TMEM114: variants seen among roughly 807,000 people sequenced by gnomAD.
TMEM114 encodes the protein claudin-26.
TMEM114 carries 6 observed loss-of-function variants against 6.2 expected under a neutral mutation model. That is an observed-to-expected ratio of 0.97 (90% confidence interval 0.53 to 1.91). TMEM114 has a LOEUF of 1.91. Ranked by LOEUF, TMEM114 falls within the 40% of genes most tolerant of loss-of-function variation. TMEM114 has a pLI of 0.01. For missense variants in TMEM114, 218 were observed against 158.3 expected (o/e 1.38, Z -2.02); for synonymous variants, 104 against 73.0 (o/e 1.42, Z -2.16).
downstream of TMEM114, among the ~76,000 whole-genome samples, chr16:8,534,530 C>G (rs1276645531): frequency 6.6e-6 from 1 of 152,122 alleles, no homozygotes; most frequent in Non-Finnish European, 1.5e-5. Context: ...ATCCCTCTCT[C>G]CTGTTCCCAT....
chr16:8,556,931 C>A (rs182770524), intron 2 of TMEM114, among the ~76,000 whole-genome samples: 3 of 152,150 alleles, frequency 2.0e-5, no homozygotes, highest in African/African-American at 7.2e-5. Flanking sequence ...CCCTGCTGAC[C>A]GCTCCAGCCT....
chr16:8,577,822 A>C (rs1223788010), intron 2 of TMEM114, among the ~76,000 whole-genome samples: 1 of 152,100 alleles, frequency 6.6e-6, no homozygotes, highest in East Asian at 1.9e-4. Context: ...CCTGACCTCA[A>C]GTGATCCACC....
At chr16:8,554,652 G>A (rs1900950694) in intron 2 of TMEM114, among the ~76,000 whole-genome samples, 1 of 150,596 alleles carries the variant, frequency 6.6e-6, no homozygotes. Flanking sequence ...AAGAATGATG[G>A]AGTTAATTAA....
intron 2 of TMEM114, among the ~76,000 whole-genome samples, chr16:8,542,038 A>C (rs1442357825): frequency 6.6e-6 from 1 of 152,148 alleles, no homozygotes; most frequent in East Asian, 1.9e-4. Flanking sequence ...ACCAAGAAAA[A>C]GCACGCCAAC....
chr16:8,555,548 A>C (rs921909593), intron 2 of TMEM114, among the ~76,000 whole-genome samples: 1 of 152,198 alleles, frequency 6.6e-6, no homozygotes, highest in Non-Finnish European at 1.5e-5. Flanking sequence ...GTAAACTGTC[A>C]TGGCGCTGGT....
chr16:8,528,384 G>C, the TMEM114 span, among the ~76,000 whole-genome samples: 2 of 152,298 alleles, frequency 1.3e-5, no homozygotes, highest in African/African-American at 2.4e-5. Context: ...GCACCATGCT[G>C]TTCTAGTTAA....
chr16:8,536,246 G>A (rs1035980105), downstream of TMEM114, among the ~76,000 whole-genome samples: 6 of 151,778 alleles, frequency 4.0e-5, no homozygotes, highest in Admixed American at 2.0e-4. Flanking sequence ...AAAAATGTAG[G>A]GGTTGAAACA....
downstream of TMEM114, among the ~76,000 whole-genome samples, chr16:8,569,125 G>A (rs561598630): frequency 6.6e-6 from 1 of 152,312 alleles, no homozygotes; most frequent in African/African-American, 2.4e-5. Flanking sequence ...CAGGGGACCC[G>A]GATGGGGAGC....
chr16:8,548,528 A>C (rs1900742891), intron 2 of TMEM114, among the ~76,000 whole-genome samples: 1 of 152,106 alleles, frequency 6.6e-6, no homozygotes, highest in Admixed American at 6.5e-5. Context: ...GAACAGGTGC[A>C]CTGTGTATCT....
chr16:8,567,521 G>T (rs569769990), downstream of TMEM114, among the ~76,000 whole-genome samples: 3 of 152,206 alleles, frequency 2.0e-5, no homozygotes, highest in Admixed American at 1.3e-4. Context: ...GTCTCAGCAT[G>T]TCCCAAGGTG....
chr16:8,549,252 C>T (rs1307981773), intron 2 of TMEM114, among the ~76,000 whole-genome samples: 2 of 146,574 alleles, frequency 1.4e-5, no homozygotes, highest in Non-Finnish European at 3.0e-5. Context: ...ATAATCCTAG[C>T]ACTTTGGGAG....
downstream of TMEM114, among the ~76,000 whole-genome samples, chr16:8,567,037 A>T (rs1200027917): frequency 6.7e-6 from 1 of 148,814 alleles, no homozygotes; most frequent in Non-Finnish European, 1.5e-5. Context: ...AGTAGCTGGG[A>T]TTACAGGCGC....
At chr16:8,528,430 T>C in the TMEM114 span, among the ~76,000 whole-genome samples, 1 of 152,036 alleles carries the variant, frequency 6.6e-6, no homozygotes, top group African/African-American at 2.4e-5. Flanking sequence ...TCTGACCTGC[T>C]CCCCCAAACA....
At chr16:8,580,762 G>A (rs1286612686) in intron 2 of TMEM114, among the ~76,000 whole-genome samples, 1 of 152,046 alleles carries the variant, frequency 6.6e-6, no homozygotes, top group African/African-American at 2.4e-5. Flanking sequence ...CCTTATCTCG[G>A]CTCACTGCAA....
downstream of TMEM114, among the ~76,000 whole-genome samples, chr16:8,535,762 G>A (rs1430968646): frequency 1.3e-5 from 2 of 152,322 alleles, no homozygotes; most frequent in African/African-American, 4.8e-5. Context: ...TGGTATGGGA[G>A]ACTCACTGCG....
Position 8,589,657 on chromosome 16 carries a change from G to T in TMEM114, c.182C>A (p.Pro61His). Residue 61 changes from proline to histidine, a missense_variant, in exon 1 of 4, where the codon CCT (proline) becomes CAT (histidine). Transcript: ENST00000620492. Reference sequence around the variant, plus strand: ...CCAGAGGCCGGAGTGGGAGCTCAGAGGCTCGGGCTGGCTGCGATTGATGGA... The same window carrying T: ...CCAGAGGCCGGAGTGGGAGCTCAGATGCTCGGGCTGGCTGCGATTGATGGA... ...LGSINRSQPE[P>H]LSSHSGLWRT... 2.5e-6 allele frequency: 1 copy of T among 398,520 alleles called. No homozygotes were observed. The highest frequency in any genetic ancestry group is 4.4e-6 in the Non-Finnish European group (1 of 226,018). 24.7% of individuals were successfully genotyped at this position (398,520 alleles called of 1,614,324 possible).
chr16:8,566,499 T>G (rs1901550035), downstream of TMEM114, among the ~76,000 whole-genome samples: 1 of 151,928 alleles, frequency 6.6e-6, no homozygotes, highest in Non-Finnish European at 1.5e-5. Flanking sequence ...CAGATCAGAA[T>G]GGATCAGAAC....
At chr16:8,574,999 C>T (rs1901869910) in intron 2 of TMEM114, among the ~76,000 whole-genome samples, 1 of 152,170 alleles carries the variant, frequency 6.6e-6, no homozygotes, top group Non-Finnish European at 1.5e-5. Flanking sequence ...TAGAAATGCT[C>T]CCATCGCTAG....
At chr16:8,550,292 C>T (rs1900799798) in intron 2 of TMEM114, among the ~76,000 whole-genome samples, 1 of 152,226 alleles carries the variant, frequency 6.6e-6, no homozygotes, top group African/African-American at 2.4e-5. Flanking sequence ...CATCCAGAAA[C>T]AATACTTTGC....
Sources: gnomAD v4.1 joint callset for allele counts (sites outside exome capture counted in the v4.1 genomes callset) on GRCh38, gnomAD v4.1.1 for gene constraint, MANE v1.5 for transcripts, NCBI Gene and HGNC (gene_info 2026-07-23, HGNC 2026-07-21) for gene names.